The following EXT1 variants were observed in gnomAD, a reference collection of about 807,000 sequenced individuals.
EXT1 encodes exostosin glycosyltransferase 1, also known as exostosin-1.
Under a neutral mutation model 82.5 loss-of-function variants are expected in EXT1, and 20 were observed. The ratio of observed to expected loss-of-function variants is 0.24; its 90% confidence interval spans 0.17 to 0.35. EXT1 has a LOEUF of 0.35. Among genes scored for constraint, EXT1 ranks in the 10% least tolerant of loss-of-function variants. EXT1 has a pLI of 1.00. For synonymous variants in EXT1, 348 were observed against 350.8 expected (o/e 0.99, Z 0.09); for missense variants, 757 against 936.5 (o/e 0.81, Z 2.50).
chr8:117,924,142 T>A (rs1412626102), intron 1 of EXT1, among the ~76,000 whole-genome samples: 3 of 152,176 alleles, frequency 2.0e-5, no homozygotes, highest in Non-Finnish European at 4.4e-5. Context: ...ACTGGGTGAT[T>A]CATATGGCCA....
At chr8:117,931,940 T>C (rs1452006077) in intron 1 of EXT1, among the ~76,000 whole-genome samples, 1 of 152,230 alleles carries the variant, frequency 6.6e-6, no homozygotes, top group East Asian at 1.9e-4. Context: ...TTATGGACCA[T>C]ATATGAAGAA....
chr8:117,917,932 T>C (rs1813784909), intron 1 of EXT1, among the ~76,000 whole-genome samples: 1 of 152,120 alleles, frequency 6.6e-6, no homozygotes, highest in Non-Finnish European at 1.5e-5. Flanking sequence ...GTTCCAGAAA[T>C]ACACAGACAA....
intron 1 of EXT1, among the ~76,000 whole-genome samples, chr8:118,098,489 G>A (rs899696051): frequency 4.6e-5 from 7 of 152,092 alleles, no homozygotes; most frequent in East Asian, 1.9e-4. Context: ...GCAGTGGCTC[G>A]CTCATACCTG....
At chr8:117,967,305 C>A (rs1427925632) in intron 1 of EXT1, among the ~76,000 whole-genome samples, 1 of 152,204 alleles carries the variant, frequency 6.6e-6, no homozygotes, top group African/African-American at 2.4e-5. Flanking sequence ...GTCTGTGTGA[C>A]CAACTCTTCA....
chr8:118,066,158 C>T (rs1816982372), intron 1 of EXT1, among the ~76,000 whole-genome samples: 1 of 152,168 alleles, frequency 6.6e-6, no homozygotes, highest in Non-Finnish European at 1.5e-5. Context: ...TTTACTTCCA[C>T]ATCTGTCACC....
At chr8:117,926,117 C>G (rs2129641409) in intron 1 of EXT1, among the ~76,000 whole-genome samples, 1 of 152,184 alleles carries the variant, frequency 6.6e-6, no homozygotes, top group Middle Eastern at 3.4e-3. Flanking sequence ...ATGTGTATGC[C>G]CTGAGAAGAA....
intron 1 of EXT1, among the ~76,000 whole-genome samples, chr8:117,977,220 CT>C (rs774041000): frequency 6.6e-6 from 1 of 151,958 alleles, no homozygotes; most frequent in Non-Finnish European, 1.5e-5. Context: ...AACCCTGTCT[CT>C]ACTAAAAATA....
chr8:117,812,931 T>TGTC lies in EXT1; in HGVS notation c.1660_1662dup (p.Asp554dup), dbSNP rs755244604. On this transcript the variant is annotated inframe_insertion, in exon 8 of 11. Transcript: ENST00000378204. ...CTGAGCACGGCGTCTGTGATGATGT[T>TGTC]GTCGTAGGGCAGAAAACGGCTGCTC... The TGTC allele has an allele frequency of 3.7e-6, 6 of 1,613,952 alleles. No individual in the cohort carries two copies. The East Asian group carries it at 1.3e-4, about 36-fold the overall frequency.
intron 4 of EXT1, among the ~76,000 whole-genome samples, chr8:117,829,474 T>C (rs1812060063): frequency 6.6e-6 from 1 of 151,936 alleles, no homozygotes; most frequent in Non-Finnish European, 1.5e-5. Flanking sequence ...AATTCTGCTG[T>C]CCCGCAATGC....
In EXT1 at chr8:117,982,899, T is replaced by C. The variant is rs371092088; in HGVS notation, c.962+127186A>G. 1.3e-4 allele frequency among the ~76,000 whole-genome samples: 20 copies of C among 152,360 alleles called. No individual in the cohort carries two copies. The East Asian group carries it at 3.5e-3, about 26-fold the overall frequency. On this transcript the variant is annotated intron_variant, in intron 1 of 10. Coordinates refer to ENST00000378204, the MANE Select transcript of EXT1 (RefSeq NM_000127.3). ...CATGATATGAAAATCTTAGGGACTA[T>C]AGAGTTCTGCCTACCATTCCTTCCC...
rs1181366390 is a variant in EXT1 at position 117,858,844 on chromosome 8, GGAAAGAAAGAAAGAAAGAAAGAAAGAAA to G, written c.963-21671_963-21644del. 3.6e-3 allele frequency among the ~76,000 whole-genome samples: 307 copies of G among 85,212 alleles called. 10 individuals are homozygous for G. Among genetic ancestry groups the G allele is most frequent in the East Asian group, 0.012 (37 of 2,972 alleles). 55.9% of individuals were successfully genotyped at this position (85,212 alleles called of 152,430 possible). A position where few individuals can be genotyped will look rare whatever the true frequency, so the allele number is the denominator to read the frequency against. On this transcript the variant is annotated intron_variant, in intron 1 of 10. Transcript: ENST00000378204. ...AGGAAGGAAGGAAGGAAGGAAGGAA[GGAAAGAAAGAAAGAAAGAAAGAAAGAAA>G]GAAAGAAAGAAAGAAAGAAAGAAAG...
intron 1 of EXT1, among the ~76,000 whole-genome samples, chr8:117,987,545 T>C (rs1351960321): frequency 6.6e-6 from 1 of 152,240 alleles, no homozygotes; most frequent in Non-Finnish European, 1.5e-5. Flanking sequence ...ACAGCTCATT[T>C]ACCAAAGTGA....
intron 1 of EXT1, among the ~76,000 whole-genome samples, chr8:118,067,153 T>C (rs1485124456): frequency 6.6e-6 from 1 of 152,238 alleles, no homozygotes; most frequent in Non-Finnish European, 1.5e-5. Context: ...GAAATGACAC[T>C]GGGAGACTCT....
At chr8:117,946,098 C>T (rs895440375) in intron 1 of EXT1, among the ~76,000 whole-genome samples, 3 of 152,142 alleles carry the variant, frequency 2.0e-5, no homozygotes, top group African/African-American at 4.8e-5. Flanking sequence ...GGGATTTTGC[C>T]ATGTTGGCCA....
chr8:117,882,411 C>T (rs1221237931), intron 1 of EXT1, among the ~76,000 whole-genome samples: 11 of 152,098 alleles, frequency 7.2e-5, no homozygotes, highest in Admixed American at 7.2e-4. Context: ...TGGCAAGTGG[C>T]AGGATGGTTG....
chr8:117,828,684 T>C (rs17430182), intron 4 of EXT1, among the ~76,000 whole-genome samples: 13,562 of 152,148 alleles, frequency 0.089, 765 homozygotes, highest in African/African-American at 0.16. Flanking sequence ...ATTGAGGAGA[T>C]TGCTTTTGGA....
chr8:118,005,948 C>A (rs536871367), intron 1 of EXT1, among the ~76,000 whole-genome samples: 2 of 152,314 alleles, frequency 1.3e-5, no homozygotes, highest in East Asian at 3.9e-4. Context: ...TACTGTTATA[C>A]AATAGGACAG....
Position 118,025,472 on chromosome 8 carries a change from G to A in EXT1, c.962+84613C>T, listed in dbSNP as rs75692000. On this transcript the variant is annotated intron_variant, in intron 1 of 10. Coordinates refer to ENST00000378204, the MANE Select transcript of EXT1 (RefSeq NM_000127.3). Reference sequence around the variant, plus strand: ...TATTATTATCTATTCATGCCCCACCGGATATACCTTGAAAGACAGCTGAAG... The same window carrying A: ...TATTATTATCTATTCATGCCCCACCAGATATACCTTGAAAGACAGCTGAAG... Among the ~76,000 whole-genome samples the A allele has an allele frequency of 3.0e-4, 45 of 152,214 alleles. 1 individual carries two copies. In the East Asian group the frequency reaches 7.4e-3, roughly 25 times the overall value.
chr8:117,807,001 A>G (rs541904758), intron 9 of EXT1, among the ~76,000 whole-genome samples: 47 of 152,220 alleles, frequency 3.1e-4, no homozygotes, highest in Non-Finnish European at 6.0e-4. Context: ...AGACCAACTG[A>G]AAATGTTACT....
Sources: allele counts gnomAD v4.1 joint callset (sites outside exome capture counted in the v4.1 genomes callset), GRCh38; gene constraint gnomAD v4.1.1; transcripts MANE v1.5; gene names NCBI Gene and HGNC (gene_info 2026-07-23, HGNC 2026-07-21).